CSMD1: variants seen among roughly 807,000 people sequenced by gnomAD.
CSMD1 encodes the protein CUB and Sushi multiple domains 1.
CSMD1 carries 213 observed loss-of-function variants against 417.5 expected under a neutral mutation model. The observed-to-expected ratio is 0.51, with a 90% CI of 0.46 to 0.57. The LOEUF (loss-of-function observed/expected upper bound fraction) is 0.57. CSMD1 is among the 20% of genes least tolerant of loss of function. CSMD1 has a pLI of 0.00. For missense variants in CSMD1, 6,923 were observed against 4,529.7 expected, an observed-to-expected ratio of 1.53 and a Z score of -15.17; for synonymous variants, 2,862 against 1,736.8, an observed-to-expected ratio of 1.65 and a Z score of -16.11.
chr8:4,164,200 G>GAA (rs200027116), intron 3 of CSMD1, among the ~76,000 whole-genome samples: 14 of 124,524 alleles, frequency 1.1e-4, no homozygotes, highest in East Asian at 2.6e-4. Flanking sequence ...ATTTTTGGAA[G>GAA]AAAAAAAAAT....
intron 23 of CSMD1, among the ~76,000 whole-genome samples, chr8:3,331,887 G>C (rs576732226): frequency 4.6e-5 from 7 of 152,176 alleles, no homozygotes; most frequent in Non-Finnish European, 1.0e-4. Context: ...AGAGTGTCCT[G>C]TCCTCCAGAG....
chr8:3,777,169 A>ATATG (rs1227473705), intron 5 of CSMD1, among the ~76,000 whole-genome samples: 4 of 151,266 alleles, frequency 2.6e-5, no homozygotes, highest in African/African-American at 9.7e-5. Flanking sequence ...CATCATATAT[A>ATATG]TATGTATGTG....
chr8:3,130,399 G>C (rs529320264), intron 41 of CSMD1, among the ~76,000 whole-genome samples: 1 of 152,148 alleles, frequency 6.6e-6, no homozygotes, highest in South Asian at 2.1e-4. Flanking sequence ...CCAATTCCTG[G>C]AAGCCTCTTC....
intron 2 of CSMD1, among the ~76,000 whole-genome samples, chr8:4,538,192 T>C (rs546088133): frequency 1.5e-4 from 3 of 20,208 alleles, no homozygotes; most frequent in African/African-American, 1.6e-4. Flanking sequence ...GGTGGCTACA[T>C]TTTTTTTTTT....
chr8:4,710,737 T>G (rs1402191326), intron 1 of CSMD1, among the ~76,000 whole-genome samples: 3 of 151,494 alleles, frequency 2.0e-5, no homozygotes, highest in Non-Finnish European at 4.4e-5. Context: ...CCCAGCTACT[T>G]GGGAGTCTGA....
At chr8:4,733,577 C>T (rs143942667) in intron 1 of CSMD1, among the ~76,000 whole-genome samples, 210 of 152,286 alleles carry the variant, frequency 1.4e-3, no homozygotes, top group African/African-American at 4.8e-3. Flanking sequence ...TGGTGTAAGA[C>T]GTTAAATAAC....
chr8:4,785,936 C>T (rs1254982332), intron 1 of CSMD1, among the ~76,000 whole-genome samples: 1 of 152,088 alleles, frequency 6.6e-6, no homozygotes, highest in South Asian at 2.1e-4. Flanking sequence ...CAGTCATGCC[C>T]CTGAATTAAA....
chr8:3,650,974 A>G lies in CSMD1; in HGVS notation c.1010-34177T>C, dbSNP rs543768602. 2.6e-5 allele frequency among the ~76,000 whole-genome samples: 4 copies of G among 152,232 alleles called. No individual in the cohort carries two copies. In the South Asian group the frequency reaches 6.2e-4, roughly 24 times the overall value. ...CCCACTATATTTCCCTATAGTAAACACCTTTATCTTTTAGTTCCTTAGACC... is the reference window on the plus strand; with the variant it reads ...CCCACTATATTTCCCTATAGTAAACGCCTTTATCTTTTAGTTCCTTAGACC... On this transcript the variant is annotated intron_variant, in intron 7 of 69. Coordinates refer to ENST00000635120, the MANE Select transcript of CSMD1 (RefSeq NM_033225.6).
At chr8:3,409,117 G>A (rs1812525169) in intron 13 of CSMD1, among the ~76,000 whole-genome samples, 1 of 152,190 alleles carries the variant, frequency 6.6e-6, no homozygotes, top group Non-Finnish European at 1.5e-5. Context: ...ACTGATGTCT[G>A]ATACAGCAGA....
intron 2 of CSMD1, among the ~76,000 whole-genome samples, chr8:4,435,866 C>G (rs1194427937): frequency 6.6e-6 from 1 of 152,192 alleles, no homozygotes. Context: ...AGTATTAGGA[C>G]TGTGTGACCC....
chr8:4,549,071 T>C (rs941975754), intron 2 of CSMD1, among the ~76,000 whole-genome samples: 3 of 152,194 alleles, frequency 2.0e-5, no homozygotes, highest in Admixed American at 1.3e-4. Context: ...TTAACTTCAT[T>C]AACTTCATTA....
At chr8:3,078,626 T>C (rs1297319113) in intron 49 of CSMD1, among the ~76,000 whole-genome samples, 1 of 152,210 alleles carries the variant, frequency 6.6e-6, no homozygotes, top group East Asian at 1.9e-4. Context: ...ACATCGTTTT[T>C]AATTGTGAAA....
chr8:3,461,405 G>A (rs572844308), intron 12 of CSMD1, among the ~76,000 whole-genome samples: 2 of 152,300 alleles, frequency 1.3e-5, no homozygotes, highest in Admixed American at 6.5e-5. Flanking sequence ...TAAATCCACG[G>A]CCATAATGCT....
At chr8:3,548,068 G>C (rs1435620092) in intron 10 of CSMD1, among the ~76,000 whole-genome samples, 1 of 152,096 alleles carries the variant, frequency 6.6e-6, no homozygotes, top group Non-Finnish European at 1.5e-5. Flanking sequence ...ACAGTATTTT[G>C]ACCAAAATAA....
Position 3,616,755 on chromosome 8 carries a change from T to A in CSMD1, c.1052A>T (p.Asp351Val), listed in dbSNP as rs776652877. The A allele has an allele frequency of 3.8e-5, 61 of 1,612,728 alleles. 1 individual carries two copies. Among genetic ancestry groups the A allele is most frequent in the Non-Finnish European group, 3.9e-5 (46 of 1,179,270 alleles). Residue 351 changes from aspartate (D) to valine (V), a missense_variant, in exon 8 of 70, where the codon GAT (aspartate) becomes GTT (valine). Coordinates refer to ENST00000635120, the MANE Select transcript of CSMD1 (RefSeq NM_033225.6). ...GVALVSDMCP[D>V]PGIPENGRRA... ...TCTACCATTTTCTGGAATCCCAGGA[T>A]CTGGACACATGTCAGAGACCAATGC...
chr8:3,858,369 T>C (rs915908953), intron 5 of CSMD1, among the ~76,000 whole-genome samples: 4 of 152,168 alleles, frequency 2.6e-5, no homozygotes, highest in African/African-American at 4.8e-5. Context: ...TTGACCTTGG[T>C]TTTATAACAA....
chr8:4,370,769 A>G (rs1252047996), intron 3 of CSMD1, among the ~76,000 whole-genome samples: 2 of 152,204 alleles, frequency 1.3e-5, no homozygotes, highest in Non-Finnish European at 2.9e-5. Context: ...GGCAAATTTA[A>G]TTCACAAGAT....
intron 3 of CSMD1, among the ~76,000 whole-genome samples, chr8:4,346,687 T>G (rs1800795807): frequency 6.6e-6 from 1 of 152,200 alleles, no homozygotes; most frequent in Non-Finnish European, 1.5e-5. Flanking sequence ...TTGCCTCGTA[T>G]GAGTGCTAGT....
At chr8:3,950,403 G>A (rs1488349984) in intron 5 of CSMD1, among the ~76,000 whole-genome samples, 1 of 152,178 alleles carries the variant, frequency 6.6e-6, no homozygotes, top group African/African-American at 2.4e-5. Context: ...ATCGGCCTAC[G>A]GGTCAATGTA....
Sources: allele counts gnomAD v4.1 joint callset (sites outside exome capture counted in the v4.1 genomes callset), GRCh38; gene constraint gnomAD v4.1.1; transcripts MANE v1.5; gene names NCBI Gene and HGNC (gene_info 2026-07-23, HGNC 2026-07-21).